FBXL17: variants seen among roughly 807,000 people sequenced by gnomAD.
FBXL17 encodes the protein F-box/LRR-repeat protein 17.
Under a neutral mutation model 66.2 loss-of-function variants are expected in FBXL17, and 22 were observed. The ratio of observed to expected loss-of-function variants is 0.33; its 90% CI spans 0.24 to 0.47. The LOEUF is 0.47. FBXL17 is among the 20% of genes least tolerant of loss of function. FBXL17 has a pLI of 1.00. For synonymous variants in FBXL17, 474 were observed against 400.5 expected, an observed-to-expected ratio of 1.18 and a Z score of -2.19; for missense variants, 878 against 948.2, an observed-to-expected ratio of 0.93 and a Z score of 0.97.
intron 7 of FBXL17, among the ~76,000 whole-genome samples, chr5:107,918,998 G>A (rs1750223305): frequency 6.6e-6 from 1 of 152,166 alleles, no homozygotes; most frequent in Admixed American, 6.5e-5. Context: ...GAACCTGGGT[G>A]TCTGGCAAAT....
At chr5:107,865,357 A>G (rs1056673422) in intron 8 of FBXL17, among the ~76,000 whole-genome samples, 1 of 152,242 alleles carries the variant, frequency 6.6e-6, no homozygotes, top group African/African-American at 2.4e-5. Flanking sequence ...TTTATGAAGT[A>G]TACAAATTAG....
chr5:108,210,841 GCTGAGTTCAAGTT>G lies in FBXL17; in HGVS notation c.1614+13267_1614+13279del, dbSNP rs373033299. On this transcript the variant is annotated intron_variant, in intron 5 of 8. Transcript: ENST00000542267. ...GTCCATTAGGTCCTCTTGGTCCAGA[GCTGAGTTCAAGTT>G]CTGAGTATCCTTGTAAATTTTCTGT... is the stretch of plus-strand genomic sequence containing the variant. 7.9e-4 allele frequency among the ~76,000 whole-genome samples: 121 copies of G among 152,284 alleles called. 1 individual carries two copies. In the East Asian group the frequency reaches 0.02, roughly 25 times the overall value.
chr5:107,889,897 G>C (rs905048661), intron 7 of FBXL17, among the ~76,000 whole-genome samples: 5 of 152,116 alleles, frequency 3.3e-5, no homozygotes, highest in Non-Finnish European at 5.9e-5. Flanking sequence ...AAAACAAGGG[G>C]CATATTTAGA....
intron 7 of FBXL17, among the ~76,000 whole-genome samples, chr5:107,888,721 T>C (rs1241873010): frequency 6.6e-6 from 1 of 152,242 alleles, no homozygotes; most frequent in Non-Finnish European, 1.5e-5. Context: ...CAATGCTGTA[T>C]AATGTTTCAT....
In FBXL17 at chr5:108,155,170, A is replaced by T. The variant is rs1751945626; in HGVS notation, c.1745+30947T>A. On this transcript the variant is annotated intron_variant, in intron 6 of 8. Coordinates refer to ENST00000542267, the MANE Select transcript of FBXL17 (RefSeq NM_001163315.3). ...CTTGGACAGAAAAAACTGAGATATT[A>T]TAATACATACAGCAGGTTCTTACAG... is the stretch of plus-strand genomic sequence containing the variant. 1.3e-5 allele frequency among the ~76,000 whole-genome samples: 2 copies of T among 152,182 alleles called. 1 individual carries two copies. Among genetic ancestry groups the T allele is most frequent in the Non-Finnish European group, 2.9e-5 (2 of 68,034 alleles).
intron 6 of FBXL17, among the ~76,000 whole-genome samples, chr5:108,176,541 T>G (rs1752800129): frequency 6.6e-6 from 1 of 152,124 alleles, no homozygotes; most frequent in Non-Finnish European, 1.5e-5. Flanking sequence ...CATTATTCTA[T>G]TAGACAAAAT....
chr5:107,963,843 C>G (rs902244293), intron 7 of FBXL17, among the ~76,000 whole-genome samples: 5 of 152,066 alleles, frequency 3.3e-5, no homozygotes, highest in Non-Finnish European at 7.4e-5. Context: ...TGAAAACTCA[C>G]TCTAGGCTTT....
chr5:108,252,106 G>A (rs1192474949), intron 4 of FBXL17, among the ~76,000 whole-genome samples: 2 of 152,062 alleles, frequency 1.3e-5, no homozygotes, highest in East Asian at 1.9e-4. Flanking sequence ...GCTTTTGCAC[G>A]GGTGTTGGAG....
At chr5:108,050,420 C>T (rs1007533775) in intron 6 of FBXL17, among the ~76,000 whole-genome samples, 1 of 152,242 alleles carries the variant, frequency 6.6e-6, no homozygotes, top group East Asian at 1.9e-4. Context: ...TCACTCAAAA[C>T]CAAACAATTA....
intron 6 of FBXL17, among the ~76,000 whole-genome samples, chr5:108,184,093 G>T (rs1325673171): frequency 6.6e-6 from 1 of 152,054 alleles, no homozygotes; most frequent in Non-Finnish European, 1.5e-5. Context: ...AGTCTACATG[G>T]TTTTATTTTA....
intron 4 of FBXL17, among the ~76,000 whole-genome samples, chr5:108,335,262 T>G (rs1760325555): frequency 7.9e-6 from 1 of 127,382 alleles, no homozygotes; most frequent in Admixed American, 9.2e-5. Context: ...ATATGGCTCA[T>G]TATCAGGCAT....
chr5:107,992,262 G>C (rs1371549470), intron 7 of FBXL17, among the ~76,000 whole-genome samples: 1 of 152,018 alleles, frequency 6.6e-6, no homozygotes, highest in African/African-American at 2.4e-5. Flanking sequence ...AATTAGGATG[G>C]AACTAACTTT....
rs1015769815 is a variant in FBXL17 at position 108,060,131 on chromosome 5, C to T, written c.1746-39130G>A. 3.3e-5 allele frequency among the ~76,000 whole-genome samples: 5 copies of T among 150,892 alleles called. No individual in the cohort carries two copies. In the East Asian group the frequency reaches 9.7e-4, roughly 29 times the overall value. On this transcript the variant is annotated intron_variant, in intron 6 of 8. Coordinates refer to ENST00000542267, the MANE Select transcript of FBXL17 (RefSeq NM_001163315.3). Reference sequence around the variant, plus strand: ...ATTTGTAGTAATATTATACTAAGTACAAATCTACATGTTATCTAAATATCT... The same window carrying T: ...ATTTGTAGTAATATTATACTAAGTATAAATCTACATGTTATCTAAATATCT...
chr5:108,226,164 C>A (rs1755091195), intron 4 of FBXL17, among the ~76,000 whole-genome samples: 1 of 152,156 alleles, frequency 6.6e-6, no homozygotes, highest in Non-Finnish European at 1.5e-5. Flanking sequence ...CTTCCCCTCT[C>A]AAAATAACTC....
intron 6 of FBXL17, among the ~76,000 whole-genome samples, chr5:108,150,261 C>T (rs1281383030): frequency 6.6e-6 from 1 of 152,122 alleles, no homozygotes; most frequent in African/African-American, 2.4e-5. Flanking sequence ...CAGTCTATCT[C>T]TACTTGTCCC....
chr5:107,905,222 T>C (rs1323604551), intron 7 of FBXL17, among the ~76,000 whole-genome samples: 1 of 152,100 alleles, frequency 6.6e-6, no homozygotes, highest in African/African-American at 2.4e-5. Context: ...ACTAATTGTA[T>C]ATATACATAA....
At chr5:107,962,678 GT>G (rs952382776) in intron 7 of FBXL17, among the ~76,000 whole-genome samples, 1,550 of 144,026 alleles carry the variant, frequency 0.011, 18 homozygotes, top group African/African-American at 0.036. Flanking sequence ...AGCGTTAAAA[GT>G]TTTTTTTTTT....
chr5:108,285,488 C>A (rs2150155191), intron 4 of FBXL17, among the ~76,000 whole-genome samples: 1 of 151,952 alleles, frequency 6.6e-6, no homozygotes, highest in Non-Finnish European at 1.5e-5. Context: ...AATCCACAGG[C>A]TACAGAATAG....
chr5:108,186,100 C>T lies in FBXL17; in HGVS notation c.1745+17G>A, dbSNP rs1344749585. 1.9e-6 allele frequency: 3 copies of T among 1,589,330 alleles called. No individual in the cohort carries two copies. Among genetic ancestry groups the T allele is most frequent in the Admixed American group, 1.7e-5 (1 of 57,790 alleles). ...TTTTCCTCTAGAAAAGTATTTTTAA[C>T]ATGTTACAATGGTTACCTGTCATTT... On this transcript the variant is annotated intron_variant, in intron 6 of 8. Coordinates refer to ENST00000542267, the MANE Select transcript of FBXL17 (RefSeq NM_001163315.3).
Sources: allele counts gnomAD v4.1 joint callset (sites outside exome capture counted in the v4.1 genomes callset), GRCh38; gene constraint gnomAD v4.1.1; transcripts MANE v1.5; gene names NCBI Gene and HGNC (gene_info 2026-07-23, HGNC 2026-07-21).